The following WDR59 variants were observed in gnomAD, a reference collection of about 807,000 sequenced individuals.
WDR59 encodes GATOR2 complex protein WDR59.
A neutral mutation model predicts 131.2 loss-of-function variants in WDR59; 100 were observed. That is an observed-to-expected ratio of 0.76 (90% confidence interval 0.65 to 0.90). The LOEUF is 0.90. WDR59 is among the 40% of genes least tolerant of loss of function. The pLI is 0.00. For missense variants in WDR59, 1,203 were observed against 1,262.2 expected (o/e 0.95, Z 0.71); for synonymous variants, 601 against 466.2 (o/e 1.29, Z -3.72).
chr16:74,942,447 G>C (rs983960175), intron 7 of WDR59, among the ~76,000 whole-genome samples: 1 of 152,110 alleles, frequency 6.6e-6, no homozygotes, highest in Non-Finnish European at 1.5e-5. Context: ...TTATTTTGAA[G>C]GAAACTGAGG....
At chr16:74,899,823 T>C (rs1018716711) in intron 18 of WDR59, 21 of 1,117,270 alleles carry the variant, frequency 1.9e-5, no homozygotes, top group South Asian at 1.7e-4. Flanking sequence ...GGGAAAAATA[T>C]AGAATAAAAT....
intron 16 of WDR59, 93 bp from the exon 17 acceptor site, chr16:74,909,070 G>A: frequency 9.5e-7 from 1 of 1,056,946 alleles, no homozygotes; most frequent in South Asian, 1.3e-5. Flanking sequence ...TTCTATCTCT[G>A]TACACCTGAG....
chr16:74,945,100 GC>G (rs1314652192), intron 6 of WDR59, among the ~76,000 whole-genome samples: 1 of 151,894 alleles, frequency 6.6e-6, no homozygotes, highest in Non-Finnish European at 1.5e-5. Flanking sequence ...CTATAGCCTG[GC>G]CGACAGAGCA....
intron 3 of WDR59, among the ~76,000 whole-genome samples, chr16:74,953,861 G>A (rs1386892519): frequency 6.6e-6 from 1 of 151,994 alleles, no homozygotes; most frequent in Non-Finnish European, 1.5e-5. Context: ...AATTAGCCGG[G>A]CATGGTGGTG....
At chr16:74,886,190 A>AAAAAAAAAAAAAG in intron 24 of WDR59, 80 bp downstream of exon 24, 4 of 1,448,726 alleles carry the variant, frequency 2.8e-6, no homozygotes, top group Non-Finnish European at 3.7e-6. Flanking sequence ...AAAAAAAAAA[A>AAAAAAAAAAAAAG]GTAAGAGTTG....
At chr16:74,935,140 G>C (rs1345048230) in intron 8 of WDR59, among the ~76,000 whole-genome samples, 24 of 151,978 alleles carry the variant, frequency 1.6e-4, no homozygotes, top group Admixed American at 1.6e-3. Flanking sequence ...TGAGACATGA[G>C]AATTGCTTGA....
chr16:74,898,800 G>C (rs1043280032), intron 18 of WDR59, among the ~76,000 whole-genome samples: 3 of 152,222 alleles, frequency 2.0e-5, no homozygotes, highest in Non-Finnish European at 4.4e-5. Flanking sequence ...ATAGCAGTGG[G>C]AGCAGGGACT....
At chr16:74,939,056 G>A (rs531876212) in intron 7 of WDR59, among the ~76,000 whole-genome samples, 10 of 151,990 alleles carry the variant, frequency 6.6e-5, no homozygotes, top group African/African-American at 1.9e-4. Flanking sequence ...GGCCGGGCAC[G>A]GTGGCTCATG....
intron 3 of WDR59, among the ~76,000 whole-genome samples, chr16:74,953,404 C>T (rs1044014933): frequency 2.0e-5 from 3 of 148,738 alleles, no homozygotes; most frequent in Admixed American, 6.8e-5. Flanking sequence ...ACCTGGGAAG[C>T]AGAGGCTGCA....
At chr16:74,897,258 G>A (rs574170824) in intron 18 of WDR59, among the ~76,000 whole-genome samples, 5 of 152,292 alleles carry the variant, frequency 3.3e-5, no homozygotes, top group South Asian at 4.1e-4. Context: ...GCTTCATAGC[G>A]GGGCAGGCCA....
At chr16:74,948,843 A>C (rs986901932) in intron 5 of WDR59, among the ~76,000 whole-genome samples, 4 of 152,096 alleles carry the variant, frequency 2.6e-5, no homozygotes, top group Non-Finnish European at 4.4e-5. Context: ...TCTACTAAAA[A>C]TACAAAAATT....
intron 25 of WDR59, among the ~76,000 whole-genome samples, chr16:74,881,994 T>C (rs1389512458): frequency 1.3e-5 from 2 of 152,330 alleles, no homozygotes; most frequent in South Asian, 2.1e-4. Flanking sequence ...ATTGGTTTTA[T>C]TGGAATTAGG....
At chr16:74,893,209 C>T (rs1965125527) in intron 19 of WDR59, among the ~76,000 whole-genome samples, 1 of 152,176 alleles carries the variant, frequency 6.6e-6, no homozygotes, top group East Asian at 1.9e-4. Context: ...ACTTTGAAGT[C>T]ACCTACAGAG....
intron 1 of WDR59, among the ~76,000 whole-genome samples, chr16:74,971,425 CCTT>C (rs1567442490): frequency 3.7e-5 from 5 of 136,198 alleles, no homozygotes; most frequent in South Asian, 2.3e-4. Flanking sequence ...TTCTTTCCTT[CCTT>C]TTTTTTTTTT....
chr16:74,953,673 C>T (rs1335344062), intron 3 of WDR59, among the ~76,000 whole-genome samples: 1 of 152,080 alleles, frequency 6.6e-6, no homozygotes, highest in South Asian at 2.1e-4. Context: ...TCCTACAACT[C>T]AACAGTAAAA....
In WDR59 at chr16:74,886,322, T is replaced by G. The variant is rs1420165284; in HGVS notation, c.2494A>C (p.Thr832Pro). 7 of 1,613,886 alleles carry G rather than the reference T, an allele frequency of 4.3e-6. No homozygotes were observed. The highest frequency in any genetic ancestry group is 5.9e-6 in the Non-Finnish European group (7 of 1,180,004). The part of the protein sequence containing the change: ...SPEELRFGSL[T>P]YSDPRERERD... ...TCTCGCTCACGGGGATCACTGTAGG[T>G]CAGACTCCCAAAGCGGAGCTCTTCT... Residue 832 changes from threonine (T) to proline (P), a missense_variant, in exon 24 of 26, where the codon ACC (threonine) becomes CCC (proline). Coordinates refer to ENST00000262144, the MANE Select transcript of WDR59 (RefSeq NM_030581.4).
At chr16:74,944,069 A>G (rs960140394) in intron 6 of WDR59, among the ~76,000 whole-genome samples, 1 of 152,190 alleles carries the variant, frequency 6.6e-6, no homozygotes, top group Non-Finnish European at 1.5e-5. Flanking sequence ...GAGTTACTTA[A>G]GAGTCCAAGA....
chr16:74,948,642 G>C (rs1250085393), intron 5 of WDR59, 86 bp from the exon 6 acceptor site: 8 of 1,166,116 alleles, frequency 6.9e-6, no homozygotes, highest in East Asian at 4.7e-5. Context: ...ACAATTCTTC[G>C]CTTTCCTTTC....
chr16:74,970,535 T>G (rs1256706874), intron 1 of WDR59, among the ~76,000 whole-genome samples: 1 of 104,118 alleles, frequency 9.6e-6, no homozygotes, highest in Non-Finnish European at 2.3e-5. Flanking sequence ...AAAGCAGCTC[T>G]CCCAAGGACC....
Sources: gnomAD v4.1 joint callset for allele counts (sites outside exome capture counted in the v4.1 genomes callset) on GRCh38, gnomAD v4.1.1 for gene constraint, MANE v1.5 for transcripts, NCBI Gene and HGNC (gene_info 2026-07-23, HGNC 2026-07-21) for gene names.